DMXL2: variants seen among roughly 807,000 people sequenced by gnomAD.
DMXL2 encodes the protein Dmx like 2, also known as dmX-like protein 2.
Under a neutral mutation model 331.1 loss-of-function variants are expected in DMXL2, and 103 were observed. That is an observed-to-expected ratio of 0.31 (90% CI 0.27 to 0.37). DMXL2 has a LOEUF of 0.37. Ranked by LOEUF, DMXL2 falls within the 10% of genes least tolerant of loss-of-function variation. The probability of loss-of-function intolerance (pLI) is 1.00; values close to 1 mark genes in which losing one functional copy is unlikely to be tolerated. For synonymous variants in DMXL2, 1,281 were observed against 1,252.1 expected, an observed-to-expected ratio of 1.02 and a Z score of -0.49; for missense variants, 3,171 against 3,642.9, an observed-to-expected ratio of 0.87 and a Z score of 3.33.
intron 28 of DMXL2, among the ~76,000 whole-genome samples, chr15:51,472,983 T>G (rs2041259621): frequency 9.3e-6 from 1 of 107,854 alleles, no homozygotes; most frequent in African/African-American, 3.9e-5. Flanking sequence ...TCTATTCTCA[T>G]CTCCTACAAC....
Position 51,480,592 on chromosome 15 carries a change from A to G in DMXL2, c.6514T>C (p.Leu2172=). Residue 2172 remains leucine, a synonymous_variant, in exon 24 of 44, where the codon TTG becomes CTG. Coordinates refer to ENST00000560891, the MANE Select transcript of DMXL2 (RefSeq NM_001378457.1). ...TTGAGTTCCATCCTTACTGAAGCCA[A>G]ACCACCACCTTGGGCCCCATGAAGG... ...CSLHGAQGGG[L]ASVRMELKFL... 3 of 1,561,618 alleles carry G rather than the reference A, an allele frequency of 1.9e-6. No individual in the cohort carries two copies. Among genetic ancestry groups the G allele is most frequent in the Non-Finnish European group, 8.7e-7 (1 of 1,150,652 alleles).
At chr15:51,476,296 A>T (rs985228033) in intron 27 of DMXL2, among the ~76,000 whole-genome samples, 1 of 152,166 alleles carries the variant, frequency 6.6e-6, no homozygotes, top group African/African-American at 2.4e-5. Context: ...TAAGACTCTA[A>T]TTTAACATTT....
chr15:51,464,421 AC>A (rs1287453550), intron 32 of DMXL2, among the ~76,000 whole-genome samples: 2 of 152,128 alleles, frequency 1.3e-5, no homozygotes, highest in African/African-American at 2.4e-5. Flanking sequence ...AAACAAACAA[AC>A]AAAAAACACC....
At chr15:51,460,486 T>C in intron 33 of DMXL2, 1 of 484,682 alleles carries the variant, frequency 2.1e-6, no homozygotes, top group Non-Finnish European at 2.7e-6. Flanking sequence ...ACTAGCTGAA[T>C]TCACCAATCT....
At chr15:51,506,851 C>A (rs2046432395) in intron 16 of DMXL2, among the ~76,000 whole-genome samples, 1 of 152,016 alleles carries the variant, frequency 6.6e-6, no homozygotes, top group Non-Finnish European at 1.5e-5. Context: ...CTATGGACAT[C>A]TAGAACAGTC....
intron 15 of DMXL2, among the ~76,000 whole-genome samples, chr15:51,513,397 TATA>T (rs2046866843): frequency 1.3e-5 from 2 of 152,196 alleles, no homozygotes; most frequent in Admixed American, 6.5e-5. Flanking sequence ...GTACTGCTGT[TATA>T]ATGATAGTGA....
chr15:51,545,634 G>A lies in DMXL2; in HGVS notation c.879C>T (p.Ser293=), dbSNP rs796492031. The part of the protein sequence containing the change: ...ICETTTSSIA[S]SLSHAGRHKD... ...TGTGTCTTCCAGCATGAGAAAGGCTGCTGGCAATGCTGGAAGTGGTAGTCT... is the reference window on the plus strand; with the variant it reads ...TGTGTCTTCCAGCATGAGAAAGGCTACTGGCAATGCTGGAAGTGGTAGTCT... The change falls in exon 8 of 44, where the codon AGC becomes AGT. Residue 293 remains serine (S), a synonymous_variant. Transcript: ENST00000560891. 3 of 1,613,486 alleles carry A rather than the reference G, an allele frequency of 1.9e-6. No homozygotes were observed. The highest frequency in any genetic ancestry group is 2.2e-5 in the South Asian group (2 of 91,060).
chr15:51,488,117 G>T lies in DMXL2; in HGVS notation c.5054C>A (p.Ser1685Ter). The change falls in exon 22 of 44, where the codon TCA (serine) becomes TAA (stop). Residue 1685 changes from serine (S) to a stop codon, truncating the protein, a stop_gained and splice_region_variant. Coordinates refer to ENST00000560891, the MANE Select transcript of DMXL2 (RefSeq NM_001378457.1). LOFTEE classifies it high-confidence loss of function. The part of the protein sequence containing the change: ...KKAVVWGLFR[S>*]QHDEKMTTFF... ...TGTTGTCATTTTTTCATCATGCTGT[G>T]ACCTGGGGACCGAGCATAAACATAA... 1 of 1,596,892 alleles carries T rather than the reference G, an allele frequency of 6.3e-7. No homozygotes were observed. The highest frequency in any genetic ancestry group is 1.1e-5 in the South Asian group (1 of 87,642).
Position 51,576,182 on chromosome 15 carries a change from C to CAAAAAAAAAAAAAAAAAAAAA in DMXL2, c.88-2_88-1insTTTTTTTTTTTTTTTTTTTTT. ...CAATATCACAGCCTGATCCATATGC[C>CAAAAAAAAAAAAAAAAAAAAA]TAAAAAAAAAAAAAAAAAAAAGTTT... On this transcript the variant is annotated splice_acceptor_variant, in intron 1 of 43. Coordinates refer to ENST00000560891, the MANE Select transcript of DMXL2 (RefSeq NM_001378457.1). LOFTEE classifies it high-confidence loss of function. 1 of 734,618 alleles carries CAAAAAAAAAAAAAAAAAAAAA rather than the reference C, an allele frequency of 1.4e-6. No individual in the cohort carries two copies. The highest frequency in any genetic ancestry group is 7.4e-5 in the Admixed American group (1 of 13,568). 45.5% of individuals were successfully genotyped at this position (734,618 alleles called of 1,614,324 possible).
rs150949133 is a variant in DMXL2, at chr15:51,508,377, A to G, written c.2645-1124T>C. Among the ~76,000 whole-genome samples, 785 of 152,296 alleles carry G rather than the reference A, an allele frequency of 5.2e-3. 18 individuals carry two copies. The East Asian group carries it at 0.052, about 10-fold the overall frequency. On this transcript the variant is annotated intron_variant, in intron 15 of 43. Coordinates refer to ENST00000560891, the MANE Select transcript of DMXL2 (RefSeq NM_001378457.1). ...TGGAAGGATGATTCCATTCTTGCAA[A>G]GGACAGCTACAAGATAAACCCAGGA...
chr15:51,596,503 G>A (rs1280865214), intron 1 of DMXL2, among the ~76,000 whole-genome samples: 1 of 152,230 alleles, frequency 6.6e-6, no homozygotes, highest in Non-Finnish European at 1.5e-5. Context: ...CATTGTGGAA[G>A]TCAGTGTGGC....
chr15:51,504,027 T>G (rs1250391104), intron 16 of DMXL2, among the ~76,000 whole-genome samples: 1 of 152,088 alleles, frequency 6.6e-6, no homozygotes, highest in African/African-American at 2.4e-5. Context: ...AGAAACCCCT[T>G]ATACAGTCCA....
At chr15:51,558,875 C>T (rs2049773215) in intron 6 of DMXL2, among the ~76,000 whole-genome samples, 1 of 152,196 alleles carries the variant, frequency 6.6e-6, no homozygotes, top group African/African-American at 2.4e-5. Flanking sequence ...TTTAAAAGTA[C>T]ATAATGTCTC....
intron 2 of DMXL2, among the ~76,000 whole-genome samples, chr15:51,572,703 G>C (rs1036678063): frequency 1.3e-4 from 20 of 152,260 alleles, no homozygotes; most frequent in African/African-American, 4.3e-4. Flanking sequence ...TATCTCAATA[G>C]ATGCAGAAAA....
In DMXL2 at chr15:51,456,875, T is replaced by C. The variant is rs542809693; in HGVS notation, c.8337+453A>G. On this transcript the variant is annotated intron_variant, in intron 37 of 43. Coordinates refer to ENST00000560891, the MANE Select transcript of DMXL2 (RefSeq NM_001378457.1). ...GTGAGAAAAAGCATGTATCTGACAC[T>C]AAGAAAGTCATATGAGGCCAGTGTG... Among the ~76,000 whole-genome samples, 13 of 152,260 alleles carry C rather than the reference T, an allele frequency of 8.5e-5. No individual in the cohort carries two copies. The South Asian group carries it at 2.7e-3, about 32-fold the overall frequency.
intron 1 of DMXL2, among the ~76,000 whole-genome samples, chr15:51,594,240 C>A (rs978879339): frequency 1.7e-4 from 26 of 152,164 alleles, no homozygotes; most frequent in African/African-American, 4.8e-4. Context: ...GATATCACCA[C>A]TGATCCCACA....
At chr15:51,616,101 A>T (rs1050212565) in intron 1 of DMXL2, among the ~76,000 whole-genome samples, 7 of 152,218 alleles carry the variant, frequency 4.6e-5, no homozygotes, top group Admixed American at 4.6e-4. Flanking sequence ...TTTTTAGAAG[A>T]CAGTGGACCT....
At chr15:51,530,161 G>T (rs1397372591) in intron 13 of DMXL2, among the ~76,000 whole-genome samples, 2 of 152,084 alleles carry the variant, frequency 1.3e-5, no homozygotes, top group Non-Finnish European at 2.9e-5. Context: ...TTTCCTCTAA[G>T]ATCTAGAACA....
intron 1 of DMXL2, among the ~76,000 whole-genome samples, chr15:51,580,717 G>A (rs760035349): frequency 6.6e-6 from 1 of 152,134 alleles, no homozygotes; most frequent in African/African-American, 2.4e-5. Flanking sequence ...GGACTAAACT[G>A]TTTCTCTGAT....
Sources: gnomAD v4.1 joint callset for allele counts (sites outside exome capture counted in the v4.1 genomes callset) on GRCh38, gnomAD v4.1.1 for gene constraint, MANE v1.5 for transcripts, NCBI Gene and HGNC (gene_info 2026-07-23, HGNC 2026-07-21) for gene names.